Variants in CSMD1 observed in about 807,000 individuals in gnomAD.
The protein encoded by CSMD1 is CUB and sushi domain-containing protein 1.
In CSMD1, 213 loss-of-function variants were observed where a neutral mutation model predicts 417.5. The ratio of observed to expected loss-of-function variants is 0.51; its 90% confidence interval spans 0.46 to 0.57. CSMD1 has a LOEUF of 0.57. Among genes scored for constraint, CSMD1 ranks in the 20% least tolerant of loss-of-function variants. The pLI, the probability that CSMD1 is intolerant of heterozygous loss-of-function variation, is 0.00. For synonymous variants in CSMD1, 2,862 were observed against 1,736.8 expected (o/e 1.65, Z -16.11); for missense variants, 6,923 against 4,529.7 (o/e 1.53, Z -15.17).
chr8:3,480,071 A>C (rs973116323), intron 11 of CSMD1, among the ~76,000 whole-genome samples: 2 of 152,150 alleles, frequency 1.3e-5, no homozygotes, highest in African/African-American at 4.8e-5. Context: ...CTACAAATGG[A>C]AAAGGGGCCG....
rs140238852 is a variant in CSMD1, at chr8:4,085,098, T to C, written c.416-52999A>G. On this transcript the variant is annotated intron_variant, in intron 3 of 69. Transcript: ENST00000635120. ...GAATGTGTTTATAAATCAGGGAATA[T>C]TGGTCCAACCAGTTGGACAACCCTG... 1.2e-4 allele frequency among the ~76,000 whole-genome samples: 19 copies of C among 152,268 alleles called. No homozygotes were observed. In the East Asian group the frequency reaches 2.5e-3, roughly 20 times the overall value.
At chr8:4,774,055 G>C (rs1477985525) in intron 1 of CSMD1, among the ~76,000 whole-genome samples, 2 of 152,032 alleles carry the variant, frequency 1.3e-5, no homozygotes, top group Non-Finnish European at 2.9e-5. Flanking sequence ...ATATTAGCTG[G>C]GCATGGCGAT....
Position 4,222,740 on chromosome 8 carries a change from C to G in CSMD1, c.416-190641G>C, listed in dbSNP as rs1260531946. Among the ~76,000 whole-genome samples the G allele has an allele frequency of 2.0e-5, 3 of 152,110 alleles. No individual in the cohort carries two copies. In the East Asian group the frequency reaches 5.8e-4, roughly 29 times the overall value. ...AGGTGATAAAAAGTGGTCAAACACT[C>G]TTTCTGCCCAGATGGAGGTTATAGT... On this transcript the variant is annotated intron_variant, in intron 3 of 69. Coordinates refer to ENST00000635120, the MANE Select transcript of CSMD1 (RefSeq NM_033225.6).
chr8:4,307,044 T>C (rs545644457), intron 3 of CSMD1, among the ~76,000 whole-genome samples: 4 of 151,936 alleles, frequency 2.6e-5, no homozygotes, highest in Non-Finnish European at 5.9e-5. Context: ...CACTGTGGGG[T>C]TTATGGTATC....
At chr8:3,754,904 T>C (rs564284003) in intron 5 of CSMD1, among the ~76,000 whole-genome samples, 139 of 152,322 alleles carry the variant, frequency 9.1e-4, no homozygotes, top group Non-Finnish European at 1.5e-3. Flanking sequence ...ATTTATGAGA[T>C]TGATGACAAG....
intron 21 of CSMD1, among the ~76,000 whole-genome samples, chr8:3,353,099 A>G (rs1054585150): frequency 1.3e-5 from 2 of 152,192 alleles, no homozygotes; most frequent in Non-Finnish European, 2.9e-5. Flanking sequence ...AATACACAAT[A>G]TTGGTAATTA....
chr8:4,720,264 G>C (rs1808968257), intron 1 of CSMD1, among the ~76,000 whole-genome samples: 1 of 151,568 alleles, frequency 6.6e-6, no homozygotes, highest in Non-Finnish European at 1.5e-5. Context: ...TGGAAAAGTT[G>C]GAAAAATTTT....
In CSMD1 at chr8:3,343,489, A is replaced by G. The variant is rs112255820; in HGVS notation, c.3475-39T>C. 1.9e-6 allele frequency: 3 copies of G among 1,577,684 alleles called. No individual in the cohort carries two copies. In the South Asian group the frequency reaches 3.4e-5, roughly 18 times the overall value. ...ACAGCATGAGTCCCTCTATGCCTTCACTGGATTCTTATGTTAGCAATGGTA... is the reference window on the plus strand; with the variant it reads ...ACAGCATGAGTCCCTCTATGCCTTCGCTGGATTCTTATGTTAGCAATGGTA... On this transcript the variant is annotated intron_variant, in intron 22 of 69. Transcript: ENST00000635120.
intron 3 of CSMD1, among the ~76,000 whole-genome samples, chr8:4,214,210 T>C (rs1412233560): frequency 6.6e-6 from 1 of 152,164 alleles, no homozygotes; most frequent in African/African-American, 2.4e-5. Context: ...TAGATGGAAA[T>C]TAAATGAATG....
chr8:4,743,871 C>G (rs1810781981), intron 1 of CSMD1, among the ~76,000 whole-genome samples: 1 of 152,152 alleles, frequency 6.6e-6, no homozygotes, highest in Non-Finnish European at 1.5e-5. Flanking sequence ...CGTTCCCACT[C>G]AAGTTCTAGT....
intron 2 of CSMD1, among the ~76,000 whole-genome samples, chr8:4,455,424 G>C (rs555962693): frequency 1.3e-5 from 2 of 152,030 alleles, no homozygotes; most frequent in African/African-American, 2.4e-5. Flanking sequence ...TCATTAGAAG[G>C]CAAATGATGG....
chr8:3,836,364 G>C (rs755733272), intron 5 of CSMD1, among the ~76,000 whole-genome samples: 4 of 152,226 alleles, frequency 2.6e-5, no homozygotes, highest in South Asian at 4.1e-4. Context: ...CTATATCCTT[G>C]TGGGAATCCC....
chr8:2,948,303 G>T (rs1319346114), intron 68 of CSMD1, among the ~76,000 whole-genome samples: 1 of 151,956 alleles, frequency 6.6e-6, no homozygotes, highest in African/African-American at 2.4e-5. Context: ...GATTTAAGAT[G>T]AAGAAATAGG....
At chr8:4,367,367 G>A (rs139809294) in intron 3 of CSMD1, among the ~76,000 whole-genome samples, 54 of 152,186 alleles carry the variant, frequency 3.5e-4, no homozygotes, top group African/African-American at 1.3e-3. Flanking sequence ...TCACGTGATT[G>A]TAGGTGTATG....
At chr8:3,426,117 C>T (rs147833743) in intron 12 of CSMD1, among the ~76,000 whole-genome samples, 18 of 152,224 alleles carry the variant, frequency 1.2e-4, no homozygotes, top group Admixed American at 5.2e-4. Flanking sequence ...TACTTGGTAA[C>T]GTTTTCCAAA....
intron 7 of CSMD1, among the ~76,000 whole-genome samples, chr8:3,689,747 T>C (rs1423057081): frequency 6.6e-6 from 1 of 152,154 alleles, no homozygotes; most frequent in Non-Finnish European, 1.5e-5. Context: ...ACATGATCAC[T>C]AAATAAAGCA....
chr8:3,563,986 C>T (rs1365145734), intron 10 of CSMD1, among the ~76,000 whole-genome samples: 1 of 152,074 alleles, frequency 6.6e-6, no homozygotes, highest in Non-Finnish European at 1.5e-5. Context: ...AGTATACGAT[C>T]ATTAAAGTTC....
chr8:3,981,832 A>T lies in CSMD1; in HGVS notation c.818+16071T>A, dbSNP rs181953435. 2.4e-3 allele frequency among the ~76,000 whole-genome samples: 360 copies of T among 152,284 alleles called. 2 individuals carry two copies. Among genetic ancestry groups the T allele is most frequent in the African/African-American group, 8.4e-3 (350 of 41,564 alleles). On this transcript the variant is annotated intron_variant, in intron 5 of 69. Coordinates refer to ENST00000635120, the MANE Select transcript of CSMD1 (RefSeq NM_033225.6). ...GAGCCTCACTTTTCAGTGAGTCAGCAGGAGGGCGTGCACTTGCTGCAGGGA... is the reference window on the plus strand; with the variant it reads ...GAGCCTCACTTTTCAGTGAGTCAGCTGGAGGGCGTGCACTTGCTGCAGGGA...
intron 3 of CSMD1, among the ~76,000 whole-genome samples, chr8:4,342,051 A>C (rs1015274323): frequency 1.3e-5 from 2 of 152,202 alleles, no homozygotes; most frequent in East Asian, 3.9e-4. Flanking sequence ...ATGAATTTGG[A>C]GCATCCTGAA....
Sources: gnomAD v4.1 joint callset for allele counts (sites outside exome capture counted in the v4.1 genomes callset) on GRCh38, gnomAD v4.1.1 for gene constraint, MANE v1.5 for transcripts, NCBI Gene and HGNC (gene_info 2026-07-23, HGNC 2026-07-21) for gene names.